Variants in RAPGEF5 observed in about 807,000 individuals in gnomAD.
RAPGEF5 encodes the protein M-Ras-regulated GEF.
RAPGEF5 carries 65 observed loss-of-function variants against 125.2 expected under a neutral mutation model. That is an observed-to-expected ratio of 0.52 (90% confidence interval 0.43 to 0.64). The LOEUF is 0.64. RAPGEF5 is among the 30% of genes least tolerant of loss of function. RAPGEF5 has a pLI of 0.00. For missense variants in RAPGEF5, 958 were observed against 1,048.1 expected, an observed-to-expected ratio of 0.91 and a Z score of 1.19; for synonymous variants, 391 against 385.9, an observed-to-expected ratio of 1.01 and a Z score of -0.16.
intron 1 of RAPGEF5, among the ~76,000 whole-genome samples, chr7:22,344,728 A>G (rs1784190582): frequency 6.6e-6 from 1 of 152,242 alleles, no homozygotes; most frequent in Non-Finnish European, 1.5e-5. Context: ...CATAGCTGCC[A>G]TGGGCGATGA....
intron 6 of RAPGEF5, among the ~76,000 whole-genome samples, chr7:22,277,749 A>G (rs1782590368): frequency 6.6e-6 from 1 of 152,170 alleles, no homozygotes; most frequent in African/African-American, 2.4e-5. Flanking sequence ...CAGCAATGAC[A>G]TGATGACCCC....
intron 1 of RAPGEF5, among the ~76,000 whole-genome samples, chr7:22,339,091 G>C (rs1312376066): frequency 2.0e-5 from 3 of 152,118 alleles, no homozygotes; most frequent in Non-Finnish European, 4.4e-5. Context: ...GACCTTATGG[G>C]AACACTCGAC....
At chr7:22,191,166 A>T (rs1480508230) in intron 11 of RAPGEF5, among the ~76,000 whole-genome samples, 1 of 152,160 alleles carries the variant, frequency 6.6e-6, no homozygotes, top group Non-Finnish European at 1.5e-5. Context: ...TGATTTGCTT[A>T]GTATTCGAGC....
chr7:22,355,733 G>C (rs933436991), intron 1 of RAPGEF5, among the ~76,000 whole-genome samples: 4 of 152,100 alleles, frequency 2.6e-5, no homozygotes, highest in African/African-American at 9.7e-5. Flanking sequence ...GCTGAAGACC[G>C]ACATCAGTTC....
chr7:22,250,601 CAA>C (rs1286905973), intron 7 of RAPGEF5, among the ~76,000 whole-genome samples: 1 of 151,848 alleles, frequency 6.6e-6, no homozygotes, highest in Non-Finnish European at 1.5e-5. Context: ...ACGGCCAGGA[CAA>C]AGATTTCCCT....
intron 7 of RAPGEF5, among the ~76,000 whole-genome samples, chr7:22,258,551 G>A (rs1467536963): frequency 6.6e-6 from 1 of 150,450 alleles, no homozygotes; most frequent in Non-Finnish European, 1.5e-5. Flanking sequence ...TTGAACCGGG[G>A]AGGCAGAGGT....
chr7:22,229,397 G>A (rs533396244), intron 8 of RAPGEF5, among the ~76,000 whole-genome samples: 48 of 152,204 alleles, frequency 3.2e-4, no homozygotes, highest in Admixed American at 7.2e-4. Context: ...TCATCTATGC[G>A]GAAGAAGGAA....
intron 24 of RAPGEF5, among the ~76,000 whole-genome samples, chr7:22,126,047 G>A (rs1184339689): frequency 6.6e-6 from 1 of 152,152 alleles, no homozygotes; most frequent in African/African-American, 2.4e-5. Flanking sequence ...CTACTCGGGA[G>A]GCTGAGACAG....
chr7:22,330,889 T>C (rs1168174052), intron 1 of RAPGEF5, among the ~76,000 whole-genome samples: 6 of 152,216 alleles, frequency 3.9e-5, no homozygotes, highest in East Asian at 1.9e-4. Flanking sequence ...AATACAGGTA[T>C]TGCATTAGCT....
chr7:22,274,479 A>T (rs1782511246), intron 6 of RAPGEF5, among the ~76,000 whole-genome samples: 1 of 151,668 alleles, frequency 6.6e-6, no homozygotes, highest in Non-Finnish European at 1.5e-5. Context: ...ACAGGCACAC[A>T]CCACCAGGCC....
chr7:22,319,944 A>G (rs1783682856), intron 1 of RAPGEF5, among the ~76,000 whole-genome samples: 1 of 152,050 alleles, frequency 6.6e-6, no homozygotes, highest in Non-Finnish European at 1.5e-5. Flanking sequence ...GGCTGTCTAC[A>G]CACTCGTGTT....
rs1784438230 is a variant in RAPGEF5, at chr7:22,357,145, G to C, written c.-85C>G. ...TCCGCGCCTTCGCCAGGAAGCGAGA[G>C]GGCGCGACTGCGGCTCGGGCGCGGG... On this transcript the variant is annotated 5_prime_UTR_variant, in exon 1 of 26. Transcript: ENST00000665637. 1 of 720,330 alleles carries C rather than the reference G, an allele frequency of 1.4e-6. No homozygotes were observed. The highest frequency in any genetic ancestry group is 6.1e-5 in the Admixed American group (1 of 16,364). 44.6% of individuals were successfully genotyped at this position (720,330 alleles called of 1,614,324 possible). A position where few individuals can be genotyped will look rare whatever the true frequency, so the allele number is the denominator to read the frequency against.
chr7:22,335,038 T>C (rs1381808257), intron 1 of RAPGEF5, among the ~76,000 whole-genome samples: 3 of 152,220 alleles, frequency 2.0e-5, no homozygotes, highest in Admixed American at 6.5e-5. Context: ...AAGAGTGTTA[T>C]GTGAACACAA....
intron 20 of RAPGEF5, among the ~76,000 whole-genome samples, chr7:22,141,257 A>G (rs997000973): frequency 1.3e-5 from 2 of 152,152 alleles, no homozygotes. Flanking sequence ...TAAACTTTTT[A>G]CTGTATTTGT....
intron 20 of RAPGEF5, 42 bp downstream of exon 20, chr7:22,145,002 A>G (rs761125596): frequency 5.9e-5 from 93 of 1,588,910 alleles, no homozygotes; most frequent in Non-Finnish European, 7.8e-5. Flanking sequence ...GTACTCTCTC[A>G]AGAAGACTAG....
chr7:22,265,987 T>C (rs565690990), intron 7 of RAPGEF5, among the ~76,000 whole-genome samples: 65 of 152,286 alleles, frequency 4.3e-4, no homozygotes, highest in African/African-American at 1.5e-3. Context: ...CTCTATGTCC[T>C]CAACATCTGC....
At chr7:22,265,598 T>A (rs1039265787) in intron 7 of RAPGEF5, among the ~76,000 whole-genome samples, 2 of 152,332 alleles carry the variant, frequency 1.3e-5, no homozygotes, top group Non-Finnish European at 2.9e-5. Context: ...CTGATTTCCA[T>A]GGGATTGCTG....
At chr7:22,265,062 A>T (rs1206472225) in intron 7 of RAPGEF5, among the ~76,000 whole-genome samples, 1 of 152,204 alleles carries the variant, frequency 6.6e-6, no homozygotes, top group Non-Finnish European at 1.5e-5. Context: ...TTGTATAATA[A>T]TCAAATCAGG....
chr7:22,294,117 T>TGA (rs71026872), intron 5 of RAPGEF5, among the ~76,000 whole-genome samples: 14,857 of 150,896 alleles, frequency 0.098, 936 homozygotes, highest in East Asian at 0.33. Context: ...TGCTCGTGAA[T>TGA]GAGAGAGAGA....
Sources: allele counts gnomAD v4.1 joint callset (sites outside exome capture counted in the v4.1 genomes callset), GRCh38; gene constraint gnomAD v4.1.1; transcripts MANE v1.5; gene names NCBI Gene and HGNC (gene_info 2026-07-23, HGNC 2026-07-21).